Variants in PLEKHG3 observed in about 807,000 individuals in gnomAD.
PLEKHG3 encodes the protein pleckstrin homology domain-containing family G member 3.
In PLEKHG3, 62 loss-of-function variants were observed where a neutral mutation model predicts 94.9. The observed-to-expected ratio is 0.65, with a 90% CI of 0.53 to 0.81. PLEKHG3 has a LOEUF of 0.81. Among genes scored for constraint, PLEKHG3 ranks in the 30% least tolerant of loss-of-function variants. PLEKHG3 has a pLI of 0.00. For synonymous variants in PLEKHG3, 614 were observed against 654.0 expected, an observed-to-expected ratio of 0.94 and a Z score of 0.93; for missense variants, 1,461 against 1,619.3, an observed-to-expected ratio of 0.90 and a Z score of 1.68.
intron 1 of PLEKHG3, among the ~76,000 whole-genome samples, chr14:64,707,403 T>C (rs1360290136): frequency 6.6e-6 from 1 of 152,254 alleles, no homozygotes; most frequent in Admixed American, 6.5e-5. Context: ...TTTAAAGTAC[T>C]CTATTCATTC....
intron 1 of PLEKHG3, among the ~76,000 whole-genome samples, chr14:64,713,113 T>C (rs1435124799): frequency 2.0e-5 from 3 of 152,226 alleles, no homozygotes; most frequent in African/African-American, 7.2e-5. Context: ...TTTAATTAAT[T>C]TTTAGATGTT....
At position 64,715,823 on chromosome 14, in the gene PLEKHG3, T is replaced by C. The variant is rs1377961222; in HGVS notation, c.-40+11119T>C. 2.9e-6 allele frequency: 1 copy of C among 342,122 alleles called. No individual in the cohort carries two copies. The highest frequency in any genetic ancestry group is 9.1e-5 in the East Asian group (1 of 10,966). 21.2% of individuals were successfully genotyped at this position (342,122 alleles called of 1,614,324 possible). The stretch of plus-strand genomic sequence containing the variant: ...GGACCTGCAGAATTGTGTCGGGAAG[T>C]TGCATTTCCTGGGCTAGGGCCCCCC... On this transcript the variant is annotated intron_variant, in intron 1 of 16. Coordinates refer to ENST00000247226, the MANE Select transcript of PLEKHG3 (RefSeq NM_001308147.2). The surrounding 1 kb of genome is among the most constrained non-coding windows in gnomAD (Gnocchi z 4.4).
intron 13 of PLEKHG3, 141 bp downstream of exon 13, chr14:64,737,032 C>A (rs1018454632): frequency 2.7e-6 from 2 of 744,144 alleles, no homozygotes; most frequent in Non-Finnish European, 4.8e-6. Flanking sequence ...CCATTCCCCC[C>A]AGAAGAGGGC....
rs1036786554 is a variant in PLEKHG3, at chr14:64,738,681, G to A, written c.1405-61G>A. ...GCGTGGGAGGCACTGCCCGTGTTGG[G>A]ATGCAGAAGGGATCAGCTTCCAGTT... On this transcript the variant is annotated intron_variant, in intron 14 of 16. Coordinates refer to ENST00000247226, the MANE Select transcript of PLEKHG3 (RefSeq NM_001308147.2). This position sits in a 1 kb window ranked among gnomAD's most constrained non-coding sequence, Gnocchi z 4.8. 4.2e-6 allele frequency: 5 copies of A among 1,202,926 alleles called. No homozygotes were observed. Among genetic ancestry groups the A allele is most frequent in the Middle Eastern group, 1.9e-4 (1 of 5,334 alleles). 74.5% of individuals were successfully genotyped at this position (1,202,926 alleles called of 1,614,324 possible). A position where few individuals can be genotyped will look rare whatever the true frequency, so the allele number is the denominator to read the frequency against.
Position 64,728,079 on chromosome 14 carries a change from G to A in PLEKHG3, c.351+97G>A. 1.3e-6 allele frequency: 1 copy of A among 766,656 alleles called. No individual in the cohort carries two copies. The highest frequency in any genetic ancestry group is 2.0e-6 in the Non-Finnish European group (1 of 492,482). The allele number at this position is 766,656 out of a possible 1,614,324, so 47.5% of individuals were successfully genotyped here. A position where few individuals can be genotyped will look rare whatever the true frequency, so the allele number is the denominator to read the frequency against. ...AAGACCTGCTTCCCATAAAGTAGTT[G>A]GAGAACTGGGGTCTCCCACCCTCGC... On this transcript the variant is annotated intron_variant, in intron 2 of 16. Coordinates refer to ENST00000247226, the MANE Select transcript of PLEKHG3 (RefSeq NM_001308147.2). This position sits in a 1 kb window ranked among gnomAD's most constrained non-coding sequence, Gnocchi z 5.9.
rs1011414918 is a variant in PLEKHG3, at chr14:64,742,342, C to T, written c.2825C>T (p.Pro942Leu). 4 of 1,612,960 alleles carry T rather than the reference C, an allele frequency of 2.5e-6. No homozygotes were observed. The African/African-American group carries it at 5.3e-5, about 22-fold the overall frequency. ...QYSLRIKSNK[P>L]VMARPPLQWE... Reference sequence around the variant, plus strand: ...AGCCTCCGGATCAAGAGCAACAAGCCAGTGATGGCCAGGCCACCACTGCAG... The same window carrying T: ...AGCCTCCGGATCAAGAGCAACAAGCTAGTGATGGCCAGGCCACCACTGCAG... Residue 942 changes from proline to leucine, a missense_variant, in exon 16 of 17, where the codon CCA becomes CTA. By Grantham distance (98) the Pro-to-Leu change is moderately conservative. Coordinates refer to ENST00000247226, the MANE Select transcript of PLEKHG3 (RefSeq NM_001308147.2).
rs1404321932 is a variant in PLEKHG3, at chr14:64,716,456, ACACACACACAAC to A, written c.-39-11136_-39-11125del. ...GCCCTACACACACACACACACACACACACACACACAACACACACACACACAACACACACACAC... is the reference window on the plus strand; with the variant it reads ...GCCCTACACACACACACACACACACAACACACACACACAACACACACACAC... On this transcript the variant is annotated intron_variant, in intron 1 of 16. Transcript: ENST00000247226. The surrounding 1 kb of genome is among the most constrained non-coding windows in gnomAD (Gnocchi z 5.0). Among the ~76,000 whole-genome samples the A allele has an allele frequency of 0.016, 2,241 of 138,982 alleles. 84 individuals are homozygous for A. The highest frequency in any genetic ancestry group is 0.058 in the African/African-American group (2,120 of 36,548). The allele number at this position is 138,982 out of a possible 152,430, so 91.2% of individuals were successfully genotyped here.
rs1321485547 is a variant in PLEKHG3 at position 64,716,608 on chromosome 14, G to A, written c.-39-10985G>A. 2.0e-5 allele frequency among the ~76,000 whole-genome samples: 3 copies of A among 151,442 alleles called. No homozygotes were observed. The highest frequency in any genetic ancestry group is 2.1e-4 in the South Asian group (1 of 4,808). ...GTTTCCTTTTCCCAGAATCCACAGA[G>A]GGTGGTTGTTTTGGATCAAACCAAG... On this transcript the variant is annotated intron_variant, in intron 1 of 16. Coordinates refer to ENST00000247226, the MANE Select transcript of PLEKHG3 (RefSeq NM_001308147.2). This position sits in a 1 kb window ranked among gnomAD's most constrained non-coding sequence, Gnocchi z 5.0.
In PLEKHG3 at chr14:64,749,694, A is replaced by C; in HGVS notation, c.*5991A>C. The C allele has an allele frequency of 6.2e-7, 1 of 1,613,768 alleles. No individual in the cohort carries two copies. Among genetic ancestry groups the C allele is most frequent in the Non-Finnish European group, 8.5e-7 (1 of 1,179,910 alleles). ...GAAGAGCCACTCGCTGCCATTACTC[A>C]GCCTAGGAGGACAAAGGGTTTCCTG... On this transcript the variant is annotated 3_prime_UTR_variant, in exon 17 of 17. Coordinates refer to ENST00000247226, the MANE Select transcript of PLEKHG3 (RefSeq NM_001308147.2). The surrounding 1 kb of genome is among the most constrained non-coding windows in gnomAD (Gnocchi z 4.7).
intron 14 of PLEKHG3, chr14:64,737,977 TGGAGGAGGA>T (rs376123381): frequency 2.3e-5 from 27 of 1,195,820 alleles, no homozygotes; most frequent in African/African-American, 9.7e-5. Context: ...GAGGAGGTGG[TGGAGGAGGA>T]GGAGGAGGAG....
chr14:64,722,783 G>T lies in PLEKHG3; in HGVS notation c.-39-4810G>T, dbSNP rs977293714. Among the ~76,000 whole-genome samples, 6 of 152,168 alleles carry T rather than the reference G, an allele frequency of 3.9e-5. No individual in the cohort carries two copies. The highest frequency in any genetic ancestry group is 1.4e-4 in the African/African-American group (6 of 41,432). ...CCCAAGTGTCCTCTTCCCCTCTCCT[G>T]CCTTGTCCTCAACTCACTGGCCTGG... On this transcript the variant is annotated intron_variant, in intron 1 of 16. Transcript: ENST00000247226. The surrounding 1 kb of genome is among the most constrained non-coding windows in gnomAD (Gnocchi z 4.3).
rs184257054 is a variant in PLEKHG3, at chr14:64,723,625, C to T, written c.-39-3968C>T. 1.3e-4 allele frequency among the ~76,000 whole-genome samples: 20 copies of T among 152,170 alleles called. No homozygotes were observed. In the East Asian group the frequency reaches 3.5e-3, roughly 26 times the overall value. ...AAGCGATTCTTCTGCCTCAGCCCCC[C>T]GAGTAGCTGGGATTACAGGCACCTG... On this transcript the variant is annotated intron_variant, in intron 1 of 16. Coordinates refer to ENST00000247226, the MANE Select transcript of PLEKHG3 (RefSeq NM_001308147.2). The surrounding 1 kb of genome is among the most constrained non-coding windows in gnomAD (Gnocchi z 4.5).
Position 64,721,425 on chromosome 14 carries a change from G to A in PLEKHG3, c.-39-6168G>A, listed in dbSNP as rs2081260337. Among the ~76,000 whole-genome samples the A allele has an allele frequency of 6.6e-6, 1 of 152,156 alleles. No individual in the cohort carries two copies. Among genetic ancestry groups the A allele is most frequent in the Non-Finnish European group, 1.5e-5 (1 of 68,018 alleles). ...TTTCTCCTGGAGTCCATGTGGGAGG[G>A]CTCCCCTGGCAACACAATCCTTTTC... is the stretch of plus-strand genomic sequence containing the variant. On this transcript the variant is annotated intron_variant, in intron 1 of 16. Transcript: ENST00000247226. The surrounding 1 kb of genome is among the most constrained non-coding windows in gnomAD (Gnocchi z 4.3).
In PLEKHG3 at chr14:64,739,987, AAATT is replaced by A. The variant is rs1238725798; in HGVS notation, c.1519-1044_1519-1041del. ...TTACAAAGTTTAAAAGAAGCAGATG[AAATT>A]AATTTTAGTAGTATATTTTATTTAA... On this transcript the variant is annotated intron_variant, in intron 15 of 16. Transcript: ENST00000247226. The surrounding 1 kb of genome is among the most constrained non-coding windows in gnomAD (Gnocchi z 4.1). Among the ~76,000 whole-genome samples the A allele has an allele frequency of 6.6e-6, 1 of 152,252 alleles. No individual in the cohort carries two copies. The highest frequency in any genetic ancestry group is 6.5e-5 in the Admixed American group (1 of 15,284).
intron 12 of PLEKHG3, among the ~76,000 whole-genome samples, chr14:64,733,277 G>C (rs955169962): frequency 2.0e-5 from 3 of 150,012 alleles, no homozygotes; most frequent in African/African-American, 7.4e-5. Context: ...CGATTCTCCT[G>C]CCTCAGCTTG....
rs1247188579 is a variant in PLEKHG3 at position 64,747,907 on chromosome 14, T to C, written c.*4204T>C. 2.7e-5 allele frequency: 4 copies of C among 149,770 alleles called. No individual in the cohort carries two copies. The highest frequency in any genetic ancestry group is 9.9e-5 in the African/African-American group (4 of 40,470). 9.3% of individuals were successfully genotyped at this position (149,770 alleles called of 1,614,324 possible). ...TCGGAGTAGAGTGGTGGGGAAAATA[T>C]GGAATGAGCTTTCTCTTCCTCCAGA... On this transcript the variant is annotated 3_prime_UTR_variant, in exon 17 of 17. Coordinates refer to ENST00000247226, the MANE Select transcript of PLEKHG3 (RefSeq NM_001308147.2).
Position 64,738,619 on chromosome 14 carries a change from T to G in PLEKHG3, c.1405-123T>G, listed in dbSNP as rs1594708049. 2 of 737,202 alleles carry G rather than the reference T, an allele frequency of 2.7e-6. No homozygotes were observed. The highest frequency in any genetic ancestry group is 4.7e-6 in the Non-Finnish European group (2 of 427,644). 45.7% of individuals were successfully genotyped at this position (737,202 alleles called of 1,614,324 possible). On this transcript the variant is annotated intron_variant, in intron 14 of 16. Transcript: ENST00000247226. This position sits in a 1 kb window ranked among gnomAD's most constrained non-coding sequence, Gnocchi z 4.8. The stretch of plus-strand genomic sequence containing the variant: ...CAGGTTGGCTCTGGAATGGCTCAGG[T>G]CCAAGACTGGCTCTCAGCTCAGCCC...
At position 64,734,464 on chromosome 14, in the gene PLEKHG3, A is replaced by G. The variant is rs2081532291; in HGVS notation, c.1345+1563A>G. On this transcript the variant is annotated intron_variant, in intron 12 of 16. Transcript: ENST00000247226. The stretch of plus-strand genomic sequence containing the variant: ...TTAGCTATGGATGTACAACTCTTTG[A>G]ATATACTTAAAGCCGTTGAATTGTA... Among the ~76,000 whole-genome samples the G allele has an allele frequency of 2.0e-5, 3 of 152,176 alleles. No homozygotes were observed. The South Asian group carries it at 6.2e-4, about 32-fold the overall frequency.
In PLEKHG3 at chr14:64,721,754, G is replaced by A. The variant is rs531550382; in HGVS notation, c.-39-5839G>A. On this transcript the variant is annotated intron_variant, in intron 1 of 16. Transcript: ENST00000247226. This position sits in a 1 kb window ranked among gnomAD's most constrained non-coding sequence, Gnocchi z 4.3. Reference sequence around the variant, plus strand: ...GAGTGAGGAAACTGCTGGGAAAGGGGGCAAGGGTCCCCTAGGAGGGGGTCC... The same window carrying A: ...GAGTGAGGAAACTGCTGGGAAAGGGAGCAAGGGTCCCCTAGGAGGGGGTCC... Among the ~76,000 whole-genome samples, 21 of 152,272 alleles carry A rather than the reference G, an allele frequency of 1.4e-4. No individual in the cohort carries two copies. The highest frequency in any genetic ancestry group is 9.8e-4 in the Admixed American group (15 of 15,304).
Sources: gnomAD v4.1 joint callset for allele counts (sites outside exome capture counted in the v4.1 genomes callset) on GRCh38, gnomAD v4.1.1 for gene constraint, Gnocchi (gnomAD v3.1) non-coding constraint, MANE v1.5 for transcripts, NCBI Gene and HGNC (gene_info 2026-07-23, HGNC 2026-07-21) for gene names.